The following MAP1B variants were observed in gnomAD, a reference collection of about 807,000 sequenced individuals.
MAP1B encodes the protein microtubule associated protein 1B.
A neutral mutation model predicts 176.1 loss-of-function variants in MAP1B; 12 were observed. That is an observed-to-expected ratio of 0.07 (90% CI 0.04 to 0.11). The LOEUF is 0.11. Among genes scored for constraint, MAP1B ranks in the 10% least tolerant of loss-of-function variants. The pLI is 1.00. For synonymous variants in MAP1B, 1,044 were observed against 1,135.0 expected (o/e 0.92, Z 1.61); for missense variants, 2,523 against 2,990.5 (o/e 0.84, Z 3.65).
At chr5:72,114,634 A>C (rs1351940652) in intron 1 of MAP1B, among the ~76,000 whole-genome samples, 3 of 152,232 alleles carry the variant, frequency 2.0e-5, no homozygotes, top group African/African-American at 7.2e-5. Context: ...ACACACACAC[A>C]CCAGAGTTCT....
rs1747438614 is a variant in MAP1B, at chr5:72,205,898, A to G, written c.*659A>G. 6.6e-6 allele frequency: 1 copy of G among 152,550 alleles called. No individual in the cohort carries two copies. Among genetic ancestry groups the G allele is most frequent in the South Asian group, 2.1e-4 (1 of 4,834 alleles). 9.4% of individuals were successfully genotyped at this position (152,550 alleles called of 1,614,324 possible). On this transcript the variant is annotated 3_prime_UTR_variant, in exon 7 of 7. Transcript: ENST00000296755. ...AAAGAACAACACTTGTTATGAGGGC[A>G]TGTGATATTTTCACATCTTAATTAA...
intron 4 of MAP1B, among the ~76,000 whole-genome samples, chr5:72,191,438 A>C (rs1037089808): frequency 6.6e-6 from 1 of 152,046 alleles, no homozygotes; most frequent in Non-Finnish European, 1.5e-5. Context: ...TGGGCTGGCC[A>C]CTCTTAAGAC....
At chr5:72,124,848 T>C (rs1311371901) in intron 2 of MAP1B, among the ~76,000 whole-genome samples, 1 of 152,230 alleles carries the variant, frequency 6.6e-6, no homozygotes, top group African/African-American at 2.4e-5. Flanking sequence ...GCAACACGTT[T>C]TTAGTGCACC....
At position 72,199,533 on chromosome 5, in the gene MAP1B, G is replaced by A. The variant is rs1297196995; in HGVS notation, c.6178G>A (p.Glu2060Lys). ...RTPQASTYSYETSDLCYTAEK... is the reference protein window; with the variant it reads ...RTPQASTYSYKTSDLCYTAEK... ...CCCTCAGGCATCCACATATTCCTACGAGACTTCAGACCTATGCTACACTGC... is the reference window on the plus strand; with the variant it reads ...CCCTCAGGCATCCACATATTCCTACAAGACTTCAGACCTATGCTACACTGC... The change falls in exon 5 of 7, where the codon GAG (glutamate) becomes AAG (lysine). Residue 2060 changes from glutamate to lysine, a missense_variant. By Grantham distance (56) the Glu-to-Lys change is moderately conservative. Around this residue, in one of 4 missense-constraint regions of MAP1B, gnomAD observed 1,925 missense variants for 2,126.0 expected, o/e 0.91. Transcript: ENST00000296755. This position sits in a 1 kb window ranked among gnomAD's most constrained non-coding sequence, Gnocchi z 4.2. The A allele has an allele frequency of 1.1e-5, 18 of 1,614,110 alleles. No homozygotes were observed. The highest frequency in any genetic ancestry group is 1.6e-4 in the Middle Eastern group (1 of 6,062).
At chr5:72,119,879 A>G (rs115421978) in intron 2 of MAP1B, among the ~76,000 whole-genome samples, 4 of 152,254 alleles carry the variant, frequency 2.6e-5, no homozygotes, top group South Asian at 4.1e-4. Flanking sequence ...TACCTATTAT[A>G]TCATATGTTT....
chr5:72,120,973 T>C (rs569183735), intron 2 of MAP1B, among the ~76,000 whole-genome samples: 20 of 152,348 alleles, frequency 1.3e-4, no homozygotes, highest in African/African-American at 4.3e-4. Context: ...GCTTTCAGCA[T>C]TCTCAGAAGG....
intron 2 of MAP1B, among the ~76,000 whole-genome samples, chr5:72,140,592 A>G (rs1745929991): frequency 6.6e-6 from 1 of 152,230 alleles, no homozygotes; most frequent in Non-Finnish European, 1.5e-5. Context: ...GGGAAAGGAA[A>G]ATAGATCCTT....
chr5:72,178,575 C>G (rs1746697313), intron 2 of MAP1B, among the ~76,000 whole-genome samples: 1 of 152,196 alleles, frequency 6.6e-6, no homozygotes, highest in Admixed American at 6.5e-5. Context: ...AAAGCCCCTG[C>G]CCATGCCCTG....
chr5:72,156,676 T>A (rs1746235066), intron 2 of MAP1B, among the ~76,000 whole-genome samples: 1 of 152,236 alleles, frequency 6.6e-6, no homozygotes, highest in South Asian at 2.1e-4. Context: ...GAATTGTCGT[T>A]GTTCCCATTT....
chr5:72,202,943 A>G (rs1391238075), intron 5 of MAP1B, among the ~76,000 whole-genome samples: 2 of 152,168 alleles, frequency 1.3e-5, no homozygotes, highest in Non-Finnish European at 2.9e-5. Context: ...AAGAAGTATC[A>G]CTTTTCAGAA....
At chr5:72,113,564 A>G (rs1662369158) in intron 1 of MAP1B, among the ~76,000 whole-genome samples, 1 of 152,268 alleles carries the variant, frequency 6.6e-6, no homozygotes, top group South Asian at 2.1e-4. Context: ...TAACAATGTA[A>G]GAGCAAGTCT....
At position 72,197,221 on chromosome 5, in the gene MAP1B, C is replaced by G. The variant is rs1328198115; in HGVS notation, c.3866C>G (p.Ser1289Cys). The change falls in exon 5 of 7, where the codon TCT (serine) becomes TGT (cysteine). Residue 1289 changes from serine to cysteine, a missense_variant. Ser to Cys is a moderately radical substitution (Grantham distance 112). Coordinates refer to ENST00000296755, the MANE Select transcript of MAP1B (RefSeq NM_005909.5). ...CTGACGCCCAATGAGATTAAAGTCT[C>G]TGCAGAGGCAGAAGTAGCCCCGGTG... ...FSLTPNEIKV[S>C]AEAEVAPVSP... The G allele has an allele frequency of 1.2e-6, 2 of 1,614,240 alleles. No individual in the cohort carries two copies. The highest frequency in any genetic ancestry group is 4.5e-5 in the East Asian group (2 of 44,890).
chr5:72,154,493 C>T (rs1269013062), intron 2 of MAP1B, among the ~76,000 whole-genome samples: 1 of 152,194 alleles, frequency 6.6e-6, no homozygotes, highest in Non-Finnish European at 1.5e-5. Context: ...TGGCCATGGG[C>T]AGGTGAGAGC....
In MAP1B at chr5:72,186,516, GTAA is replaced by G; in HGVS notation, c.370-94_370-92del. The G allele has an allele frequency of 6.9e-7, 1 of 1,439,008 alleles. No homozygotes were observed. Among genetic ancestry groups the G allele is most frequent in the Admixed American group, 2.0e-5 (1 of 50,022 alleles). 89.1% of individuals were successfully genotyped at this position (1,439,008 alleles called of 1,614,324 possible). On this transcript the variant is annotated intron_variant, in intron 3 of 6. Transcript: ENST00000296755. This position sits in a 1 kb window ranked among gnomAD's most constrained non-coding sequence, Gnocchi z 4.3. ...TTTGGGGAATGAATGCTTTTTGCTG[GTAA>G]TAAACTCCCATGGCTCCGAAGGCTA...
chr5:72,173,629 C>G (rs140865469), intron 2 of MAP1B, among the ~76,000 whole-genome samples: 1 of 152,202 alleles, frequency 6.6e-6, no homozygotes, highest in Non-Finnish European at 1.5e-5. Flanking sequence ...ACCTGGCACA[C>G]CACAGGGTTT....
chr5:72,174,370 T>C (rs1248505118), intron 2 of MAP1B, among the ~76,000 whole-genome samples: 2 of 152,226 alleles, frequency 1.3e-5, no homozygotes, highest in Non-Finnish European at 2.9e-5. Flanking sequence ...GTGTTACTAT[T>C]TTAGTACCCA....
intron 5 of MAP1B, 61 bp from the exon 6 acceptor site, chr5:72,203,502 C>T: frequency 8.4e-7 from 1 of 1,192,754 alleles, no homozygotes; most frequent in Admixed American, 1.7e-5. Flanking sequence ...GGAACATGTG[C>T]TGGATGTATG....
intron 2 of MAP1B, among the ~76,000 whole-genome samples, chr5:72,165,463 G>A (rs572947081): frequency 5.1e-4 from 78 of 152,256 alleles, no homozygotes; most frequent in African/African-American, 1.8e-3. Context: ...TGGTTAAAAC[G>A]CTAATAGAAT....
At chr5:72,112,274 G>A (rs920500035) in intron 1 of MAP1B, among the ~76,000 whole-genome samples, 8 of 152,178 alleles carry the variant, frequency 5.3e-5, no homozygotes, top group Non-Finnish European at 2.9e-5. Flanking sequence ...AACATACAAT[G>A]CATGGTCATT....
Sources: gnomAD v4.1 joint callset for allele counts (sites outside exome capture counted in the v4.1 genomes callset) on GRCh38, gnomAD v4.1.1 for gene constraint, gnomAD v4.1.1 regional missense constraint, Gnocchi (gnomAD v3.1) non-coding constraint, MANE v1.5 for transcripts, NCBI Gene and HGNC (gene_info 2026-07-23, HGNC 2026-07-21) for gene names.